ARB2A: variants seen among roughly 807,000 people sequenced by gnomAD.
ARB2A encodes cotranscriptional regulator ARB2A.
chr5:93,807,327 C>T, the ARB2A span, among the ~76,000 whole-genome samples: 4 of 151,882 alleles, frequency 2.6e-5, no homozygotes, highest in Admixed American at 2.6e-4. Flanking sequence ...TTCAGATTTC[C>T]ATTGTCACCA....
the ARB2A span, among the ~76,000 whole-genome samples, chr5:93,834,162 T>C: frequency 6.6e-6 from 1 of 152,134 alleles, no homozygotes; most frequent in Admixed American, 6.5e-5. Flanking sequence ...GGTTTAAGGG[T>C]AAGAAGAAGA....
At chr5:93,685,410 C>T in the ARB2A span, among the ~76,000 whole-genome samples, 4,096 of 152,062 alleles carry the variant, frequency 0.027, 100 homozygotes, top group Middle Eastern at 0.044. Flanking sequence ...TCTTAAATTC[C>T]TCCATTTACT....
At chr5:94,083,842 A>C in the ARB2A span, among the ~76,000 whole-genome samples, 1 of 152,104 alleles carries the variant, frequency 6.6e-6, no homozygotes, top group Non-Finnish European at 1.5e-5. Context: ...AAAAACAAGA[A>C]TCTCTGTATC....
At chr5:94,021,097 C>T in the ARB2A span, among the ~76,000 whole-genome samples, 1 of 151,990 alleles carries the variant, frequency 6.6e-6, no homozygotes, top group African/African-American at 2.4e-5. Context: ...ATTCAAACTG[C>T]CTCCACGACT....
chr5:93,900,649 A>G, the ARB2A span, among the ~76,000 whole-genome samples: 1 of 151,414 alleles, frequency 6.6e-6, no homozygotes, highest in Non-Finnish European at 1.5e-5. Flanking sequence ...ATGTGATTCT[A>G]CTATAAGATA....
At chr5:93,875,978 T>G in the ARB2A span, among the ~76,000 whole-genome samples, 13 of 152,192 alleles carry the variant, frequency 8.5e-5, no homozygotes, top group Non-Finnish European at 1.8e-4. Flanking sequence ...ATTTAGCCAT[T>G]TGACTTAGTT....
At chr5:94,088,651 A>G in the ARB2A span, among the ~76,000 whole-genome samples, 4 of 152,318 alleles carry the variant, frequency 2.6e-5, no homozygotes, top group South Asian at 6.2e-4. Context: ...CAGCCTGGGC[A>G]ACAGAGCAAG....
the ARB2A span, among the ~76,000 whole-genome samples, chr5:93,968,324 C>T: frequency 1.3e-5 from 2 of 152,046 alleles, no homozygotes; most frequent in Admixed American, 1.3e-4. Flanking sequence ...TGGAAAAATG[C>T]ACCACATACA....
At chr5:94,053,769 TTTC>T in the ARB2A span, among the ~76,000 whole-genome samples, 340 of 152,276 alleles carry the variant, frequency 2.2e-3, no homozygotes, top group African/African-American at 7.8e-3. Context: ...AGTTTTTCTT[TTTC>T]TTTTTTCTTT....
At chr5:93,852,138 T>C in the ARB2A span, among the ~76,000 whole-genome samples, 2 of 152,166 alleles carry the variant, frequency 1.3e-5, no homozygotes, top group African/African-American at 2.4e-5. Context: ...TTTTTAATGA[T>C]TGCCATTCTA....
At chr5:93,683,063 G>C in the ARB2A span, 1 of 1,558,826 alleles carries the variant, frequency 6.4e-7, no homozygotes, top group Non-Finnish European at 8.7e-7. Flanking sequence ...TTTTGATCTT[G>C]GTGTTGATGG....
the ARB2A span, among the ~76,000 whole-genome samples, chr5:93,864,606 G>GA: frequency 6.6e-6 from 1 of 152,030 alleles, no homozygotes; most frequent in East Asian, 1.9e-4. Flanking sequence ...AATTCTTATA[G>GA]AAACAATTTG....
the ARB2A span, among the ~76,000 whole-genome samples, chr5:93,962,088 A>T: frequency 2.0e-5 from 3 of 152,198 alleles, no homozygotes; most frequent in Non-Finnish European, 4.4e-5. Flanking sequence ...TTCCAAGGCC[A>T]TTTATCTTCA....
At chr5:93,870,359 T>A in the ARB2A span, among the ~76,000 whole-genome samples, 6 of 152,246 alleles carry the variant, frequency 3.9e-5, no homozygotes, top group African/African-American at 1.4e-4. Flanking sequence ...TCAGTTTACA[T>A]CGCCGCTCAT....
chr5:93,830,311 G>GTGTGTGTGTATATATA, the ARB2A span, among the ~76,000 whole-genome samples: 14 of 82,266 alleles, frequency 1.7e-4, no homozygotes, highest in African/African-American at 7.2e-4. Context: ...GTGTGTGTGT[G>GTGTGTGTGTATATATA]TATATATATA....
chr5:93,656,592 T>G, the ARB2A span, among the ~76,000 whole-genome samples: 1 of 152,172 alleles, frequency 6.6e-6, no homozygotes, highest in African/African-American at 2.4e-5. Flanking sequence ...TGGAAAAGTA[T>G]GGTAAAAGGA....
At chr5:93,806,882 AC>A in the ARB2A span, among the ~76,000 whole-genome samples, 1 of 151,970 alleles carries the variant, frequency 6.6e-6, no homozygotes, top group Admixed American at 6.6e-5. Flanking sequence ...CTGTTAAAAA[AC>A]AGTATACACA....
the ARB2A span, among the ~76,000 whole-genome samples, chr5:93,706,237 A>C: frequency 6.6e-6 from 1 of 152,244 alleles, no homozygotes; most frequent in Non-Finnish European, 1.5e-5. Flanking sequence ...GAATTGATAC[A>C]TACTACAACA....
the ARB2A span, among the ~76,000 whole-genome samples, chr5:94,110,731 A>C: frequency 6.6e-6 from 1 of 152,262 alleles, no homozygotes. Flanking sequence ...CATGTACTAC[A>C]TTAAAAAATC....
Sources: gnomAD v4.1 joint callset for allele counts (sites outside exome capture counted in the v4.1 genomes callset) on GRCh38, gnomAD v4.1.1 for gene constraint, MANE v1.5 for transcripts, NCBI Gene and HGNC (gene_info 2026-07-23, HGNC 2026-07-21) for gene names.